ST7L: variants seen among roughly 807,000 people sequenced by gnomAD.
ST7L encodes suppressor of tumorigenicity 7 protein-like.
ST7L carries 57 observed loss-of-function variants against 72.5 expected under a neutral mutation model. The observed-to-expected ratio is 0.79, with a 90% CI of 0.64 to 0.98. ST7L has a LOEUF of 0.98. Among genes scored for constraint, ST7L ranks in the 50% least tolerant of loss-of-function variants. The probability of loss-of-function intolerance (pLI) is 0.00; values close to 1 mark genes in which losing one functional copy is unlikely to be tolerated. For missense variants in ST7L, 576 were observed against 672.2 expected (o/e 0.86, Z 1.58); for synonymous variants, 221 against 240.9 (o/e 0.92, Z 0.77).
chr1:112,537,486 G>C (rs1049276450), intron 14 of ST7L, among the ~76,000 whole-genome samples: 5 of 152,130 alleles, frequency 3.3e-5, no homozygotes, highest in African/African-American at 1.2e-4. Context: ...AAATTAAAGG[G>C]GCCAGAGTAG....
intron 11 of ST7L, among the ~76,000 whole-genome samples, chr1:112,561,204 T>C (rs149791921): frequency 2.0e-5 from 3 of 151,734 alleles, no homozygotes; most frequent in African/African-American, 2.4e-5. Context: ...GTAAAGTATA[T>C]GCTCAGTGTA....
chr1:112,599,073 A>AAAAAAAAAAAT lies in ST7L; in HGVS notation c.507-988_507-987insATTTTTTTTTT, dbSNP rs1190968815. 1.6e-4 allele frequency among the ~76,000 whole-genome samples: 9 copies of AAAAAAAAAAAT among 57,002 alleles called. 1 individual carries two copies. The highest frequency in any genetic ancestry group is 5.7e-4 in the South Asian group (1 of 1,740). The allele number at this position is 57,002 out of a possible 152,430, so 37.4% of individuals were successfully genotyped here. ...AGACTCAGCCTCAAAAAAAAAAAAA[A>AAAAAAAAAAAT]ATATATATATATATATATATATATA... On this transcript the variant is annotated intron_variant, in intron 4 of 14. Transcript: ENST00000358039.
intron 4 of ST7L, among the ~76,000 whole-genome samples, chr1:112,599,073 A>AATATATATATATATAT (rs71084479): frequency 3.5e-5 from 2 of 56,998 alleles, no homozygotes; most frequent in South Asian, 5.7e-4. Flanking sequence ...AAAAAAAAAA[A>AATATATATATATATAT]ATATATATAT....
At chr1:112,567,905 A>G (rs537812803) in intron 11 of ST7L, among the ~76,000 whole-genome samples, 1 of 152,306 alleles carries the variant, frequency 6.6e-6, no homozygotes, top group Admixed American at 6.5e-5. Flanking sequence ...AAAATCATCA[A>G]TAAAATATTA....
intron 11 of ST7L, among the ~76,000 whole-genome samples, chr1:112,575,259 A>G (rs2101813157): frequency 6.6e-6 from 1 of 152,158 alleles, no homozygotes; most frequent in East Asian, 1.9e-4. Flanking sequence ...AGTTTACAGT[A>G]CTCACTCCTT....
Position 112,542,093 on chromosome 1 carries a change from G to A in ST7L, c.1490-3C>T, listed in dbSNP as rs1325446951. 6.2e-7 allele frequency: 1 copy of A among 1,602,844 alleles called. No homozygotes were observed. The highest frequency in any genetic ancestry group is 1.3e-5 in the African/African-American group (1 of 74,342). The stretch of plus-strand genomic sequence containing the variant: ...GTAAACAGAAACATGATGAAAGGCT[G>A]CAATGGAGAATAGGTAAGAATCAAT... On this transcript the variant is annotated splice_polypyrimidine_tract_variant and splice_region_variant and intron_variant, in intron 13 of 14. Coordinates refer to ENST00000358039, the MANE Select transcript of ST7L (RefSeq NM_017744.5).
intron 11 of ST7L, among the ~76,000 whole-genome samples, chr1:112,576,721 C>G (rs1269352541): frequency 6.6e-6 from 1 of 152,170 alleles, no homozygotes; most frequent in Non-Finnish European, 1.5e-5. Context: ...TTTTCTACAA[C>G]TATACTAAAA....
At chr1:112,595,688 G>C (rs371076897) in intron 5 of ST7L, among the ~76,000 whole-genome samples, 1 of 152,024 alleles carries the variant, frequency 6.6e-6, no homozygotes, top group Non-Finnish European at 1.5e-5. Context: ...CAAAGTGCTG[G>C]GATTACAGGC....
chr1:112,584,467 T>G (rs1478079844), intron 6 of ST7L, among the ~76,000 whole-genome samples: 1 of 152,130 alleles, frequency 6.6e-6, no homozygotes, highest in African/African-American at 2.4e-5. Context: ...ATTATCTGAA[T>G]TGTATACCCT....
chr1:112,578,106 AT>A (rs1185312935), intron 10 of ST7L, among the ~76,000 whole-genome samples: 3 of 152,234 alleles, frequency 2.0e-5, no homozygotes, highest in African/African-American at 7.2e-5. Context: ...ACTCAAAATG[AT>A]TAACTTGCCT....
intron 13 of ST7L, among the ~76,000 whole-genome samples, chr1:112,547,963 C>T (rs1311793818): frequency 6.6e-6 from 1 of 152,130 alleles, no homozygotes; most frequent in Non-Finnish European, 1.5e-5. Flanking sequence ...TAAGTACTTA[C>T]AATGTGCCAG....
chr1:112,541,907 G>A (rs1481597473), intron 14 of ST7L, 44 bp downstream of exon 14: 2 of 1,603,052 alleles, frequency 1.2e-6, no homozygotes, highest in African/African-American at 2.7e-5. Context: ...GGTTTCTTGT[G>A]TGTTTTACAA....
intron 14 of ST7L, 36 bp from the exon 15 acceptor site, chr1:112,526,147 C>A (rs1194711347): frequency 6.2e-7 from 1 of 1,613,308 alleles, no homozygotes; most frequent in Non-Finnish European, 8.5e-7. Context: ...TGTTCAAGCC[C>A]TGTAGGAGTC....
At chr1:112,615,487 A>G (rs1669730005) in intron 2 of ST7L, among the ~76,000 whole-genome samples, 1 of 152,186 alleles carries the variant, frequency 6.6e-6, no homozygotes, top group South Asian at 2.1e-4. Context: ...CATGACACAT[A>G]AATTTTAGTC....
chr1:112,540,491 A>G (rs1184668785), intron 14 of ST7L: 1 of 985,302 alleles, frequency 1.0e-6, no homozygotes, highest in Non-Finnish European at 1.2e-6. Flanking sequence ...CAGTTTCCAA[A>G]CCAAATAGCT....
intron 9 of ST7L, among the ~76,000 whole-genome samples, chr1:112,581,531 T>C (rs1220162951): frequency 1.3e-5 from 2 of 151,874 alleles, no homozygotes; most frequent in Non-Finnish European, 2.9e-5. Flanking sequence ...CCCAAGTAGC[T>C]GGGACTACAG....
Position 112,555,852 on chromosome 1 carries a change from G to A in ST7L, c.1396+16C>T. 2 of 1,478,552 alleles carry A rather than the reference G, an allele frequency of 1.4e-6. No homozygotes were observed. Among genetic ancestry groups the A allele is most frequent in the South Asian group, 3.0e-5 (2 of 66,646 alleles). The allele number at this position is 1,478,552 out of a possible 1,614,324, so 91.6% of individuals were successfully genotyped here. On this transcript the variant is annotated intron_variant, in intron 12 of 14. Transcript: ENST00000358039. ...AGTTAGAGAGATTAGTGTTACTTTTGGAAAAGAATACTTACTGCCTTCCCA... is the reference window on the plus strand; with the variant it reads ...AGTTAGAGAGATTAGTGTTACTTTTAGAAAAGAATACTTACTGCCTTCCCA...
chr1:112,568,861 A>AATATATATAAATAT (rs1410937307), intron 11 of ST7L, among the ~76,000 whole-genome samples: 34 of 114,886 alleles, frequency 3.0e-4, no homozygotes, highest in African/African-American at 1.2e-3. Flanking sequence ...TATAAATATA[A>AATATATATAAATAT]ATATATATAT....
chr1:112,573,877 G>A (rs961461271), intron 11 of ST7L, among the ~76,000 whole-genome samples: 4 of 149,398 alleles, frequency 2.7e-5, no homozygotes, highest in Non-Finnish European at 4.4e-5. Context: ...CTGGGCATGA[G>A]AGCAAGACCC....
Sources: gnomAD v4.1 joint callset for allele counts (sites outside exome capture counted in the v4.1 genomes callset) on GRCh38, gnomAD v4.1.1 for gene constraint, MANE v1.5 for transcripts, NCBI Gene and HGNC (gene_info 2026-07-23, HGNC 2026-07-21) for gene names.